The following DNAH8 variants were observed in gnomAD, a reference collection of about 807,000 sequenced individuals.
DNAH8 encodes the protein axonemal beta dynein heavy chain 8.
Under a neutral mutation model 562.1 loss-of-function variants are expected in DNAH8, and 382 were observed. The observed-to-expected ratio is 0.68, with a 90% CI of 0.63 to 0.74. The LOEUF (loss-of-function observed/expected upper bound fraction) is 0.74, where lower values mean the gene tolerates loss of function less well. Ranked by LOEUF, DNAH8 falls within the 30% of genes least tolerant of loss-of-function variation. The pLI is 0.00. For synonymous variants in DNAH8, 1,881 were observed against 1,919.4 expected (o/e 0.98, Z 0.52); for missense variants, 5,203 against 5,620.4 (o/e 0.93, Z 2.37).
chr6:38,791,843 A>G (rs1311439279), intron 21 of DNAH8, among the ~76,000 whole-genome samples, 169 bp downstream of exon 21: 4 of 152,018 alleles, frequency 2.6e-5, no homozygotes, highest in Non-Finnish European at 5.9e-5. Flanking sequence ...CAATAGCAAG[A>G]GCCCTGGCCA....
chr6:38,866,562 T>C, intron 45 of DNAH8, 29 bp from the exon 46 acceptor site: 1 of 1,484,376 alleles, frequency 6.7e-7, no homozygotes, highest in Non-Finnish European at 9.2e-7. Flanking sequence ...GTTTTAGCAA[T>C]TAAAAATTAA....
In DNAH8 at chr6:38,729,198, G is replaced by A. The variant is rs537010929; in HGVS notation, c.526-704G>A. Reference sequence around the variant, plus strand: ...AGCCTGGGTGACAGAGCGAAACTCCGTCTCAAAACAAACAAACAAACAAAC... The same window carrying A: ...AGCCTGGGTGACAGAGCGAAACTCCATCTCAAAACAAACAAACAAACAAAC... On this transcript the variant is annotated intron_variant, in intron 3 of 92. Transcript: ENST00000327475. Among the ~76,000 whole-genome samples, 247 of 143,582 alleles carry A rather than the reference G, an allele frequency of 1.7e-3. 6 individuals carry two copies. In the East Asian group the frequency reaches 0.036, roughly 21 times the overall value. 94.2% of individuals were successfully genotyped at this position (143,582 alleles called of 152,430 possible).
chr6:38,968,358 A>G (rs1331238178), intron 82 of DNAH8, among the ~76,000 whole-genome samples: 1 of 152,202 alleles, frequency 6.6e-6, no homozygotes, highest in Non-Finnish European at 1.5e-5. Context: ...AACCTATAAA[A>G]TAGGAGAAAA....
At chr6:38,864,158 G>T in intron 45 of DNAH8, 98 bp downstream of exon 45, 1 of 1,061,788 alleles carries the variant, frequency 9.4e-7, no homozygotes, top group Non-Finnish European at 1.4e-6. Flanking sequence ...CAACTATCCA[G>T]GAGTTATAAG....
chr6:38,906,683 C>T (rs540246726), intron 63 of DNAH8, among the ~76,000 whole-genome samples: 101 of 152,214 alleles, frequency 6.6e-4, no homozygotes, highest in Middle Eastern at 3.4e-3. Flanking sequence ...AAGTATCTGT[C>T]CATCTATCTG....
intron 91 of DNAH8, among the ~76,000 whole-genome samples, chr6:39,025,466 A>G (rs944139187): frequency 3.3e-5 from 5 of 152,220 alleles, no homozygotes; most frequent in African/African-American, 1.2e-4. Flanking sequence ...CAGAGCAATG[A>G]AAGCATGACC....
At chr6:38,735,417 C>G (rs1202181899) in intron 5 of DNAH8, among the ~76,000 whole-genome samples, 2 of 152,030 alleles carry the variant, frequency 1.3e-5, no homozygotes, top group South Asian at 4.2e-4. Context: ...TTTCCCTGAC[C>G]CCTTGTAAAT....
At chr6:38,756,410 A>C (rs557859347) in intron 10 of DNAH8, among the ~76,000 whole-genome samples, 3 of 152,274 alleles carry the variant, frequency 2.0e-5, no homozygotes, top group Non-Finnish European at 2.9e-5. Context: ...TACTCCCATG[A>C]ACACTATAGT....
intron 82 of DNAH8, among the ~76,000 whole-genome samples, chr6:38,957,940 C>A (rs1762360393): frequency 7.5e-6 from 1 of 134,222 alleles, no homozygotes; most frequent in Non-Finnish European, 1.6e-5. Context: ...AAGACAAGAA[C>A]AAATTCAACT....
chr6:38,968,735 A>G (rs1763141880), intron 82 of DNAH8, among the ~76,000 whole-genome samples: 1 of 152,202 alleles, frequency 6.6e-6, no homozygotes, highest in African/African-American at 2.4e-5. Flanking sequence ...AGTTTCTCAG[A>G]AAGTTAAAGA....
At position 38,884,384 on chromosome 6, in the gene DNAH8, C is replaced by A. The variant is rs1778757059; in HGVS notation, c.8259+386C>A. On this transcript the variant is annotated intron_variant, in intron 56 of 92. Coordinates refer to ENST00000327475, the MANE Select transcript of DNAH8 (RefSeq NM_001206927.2). ...CTCAGCTCACTGCAAGCTCCACCTC[C>A]CGGGCTCAAGCAATTCTCCCTTCCT... 2.6e-5 allele frequency among the ~76,000 whole-genome samples: 4 copies of A among 152,192 alleles called. No individual in the cohort carries two copies. In the South Asian group the frequency reaches 8.3e-4, roughly 31 times the overall value.
chr6:38,890,628 C>A, intron 57 of DNAH8, 24 bp from the exon 58 acceptor site: 1 of 1,498,976 alleles, frequency 6.7e-7, no homozygotes, highest in Non-Finnish European at 9.3e-7. Context: ...TAAGCTTATA[C>A]CTTCAATCTT....
chr6:38,787,874 C>T (rs540342636), intron 18 of DNAH8, among the ~76,000 whole-genome samples: 1 of 152,186 alleles, frequency 6.6e-6, no homozygotes, highest in Non-Finnish European at 1.5e-5. Context: ...GCTGCATTAA[C>T]TCCTCTTCTT....
chr6:38,990,618 C>T (rs986860438), intron 88 of DNAH8, among the ~76,000 whole-genome samples: 9 of 152,176 alleles, frequency 5.9e-5, no homozygotes, highest in Non-Finnish European at 8.8e-5. Flanking sequence ...TCTTTCATGG[C>T]CCCTCTCCCT....
intron 11 of DNAH8, among the ~76,000 whole-genome samples, chr6:38,762,587 G>T (rs1766622724): frequency 6.6e-6 from 1 of 152,194 alleles, no homozygotes; most frequent in African/African-American, 2.4e-5. Context: ...AGAATAAATG[G>T]AGGGTGGGGG....
intron 42 of DNAH8, among the ~76,000 whole-genome samples, 162 bp from the exon 43 acceptor site, chr6:38,860,295 C>CT: frequency 6.6e-6 from 1 of 152,234 alleles, no homozygotes. Flanking sequence ...CCATCTCTGT[C>CT]TTTGTTTGCC....
chr6:38,795,875 G>C (rs145583505), intron 21 of DNAH8, among the ~76,000 whole-genome samples: 1 of 152,152 alleles, frequency 6.6e-6, no homozygotes, highest in Non-Finnish European at 1.5e-5. Flanking sequence ...GTTTCAGATC[G>C]TATTTGGGAA....
chr6:39,018,423 C>T (rs1028253166), intron 91 of DNAH8, among the ~76,000 whole-genome samples: 55 of 152,280 alleles, frequency 3.6e-4, no homozygotes, highest in Middle Eastern at 3.4e-3. Context: ...CATCCATGCC[C>T]CTCCTCTGAT....
intron 12 of DNAH8, 127 bp downstream of exon 12, chr6:38,770,686 T>C (rs758555724): frequency 9.1e-6 from 8 of 874,358 alleles, no homozygotes; most frequent in Non-Finnish European, 1.1e-5. Context: ...ACTTGTCTAA[T>C]ATTACTTATA....
Sources: allele counts gnomAD v4.1 joint callset (sites outside exome capture counted in the v4.1 genomes callset), GRCh38; gene constraint gnomAD v4.1.1; transcripts MANE v1.5; gene names NCBI Gene and HGNC (gene_info 2026-07-23, HGNC 2026-07-21).